The following PRDM5 variants were observed in gnomAD, a reference collection of about 807,000 sequenced individuals.
PRDM5 encodes PR/SET domain 5.
Under a neutral mutation model 81.2 loss-of-function variants are expected in PRDM5, and 56 were observed. The ratio of observed to expected loss-of-function variants is 0.69; its 90% CI spans 0.56 to 0.86. The LOEUF (loss-of-function observed/expected upper bound fraction) is 0.86, where lower values mean the gene tolerates loss of function less well. PRDM5 is among the 40% of genes least tolerant of loss of function. The probability of loss-of-function intolerance (pLI) is 0.00; values close to 1 mark genes in which losing one functional copy is unlikely to be tolerated. For synonymous variants in PRDM5, 267 were observed against 256.4 expected, an observed-to-expected ratio of 1.04 and a Z score of -0.39; for missense variants, 697 against 770.1, an observed-to-expected ratio of 0.91 and a Z score of 1.12.
At chr4:120,884,892 G>T (rs1226621433) in intron 2 of PRDM5, among the ~76,000 whole-genome samples, 1 of 151,834 alleles carries the variant, frequency 6.6e-6, no homozygotes, top group African/African-American at 2.4e-5. Context: ...GGCCGGGCGC[G>T]GTGGCTCATG....
chr4:120,820,017 T>G (rs1325127298), intron 4 of PRDM5, among the ~76,000 whole-genome samples: 1 of 152,210 alleles, frequency 6.6e-6, no homozygotes, highest in Non-Finnish European at 1.5e-5. Flanking sequence ...ACTTCTGAAG[T>G]GGCTTTGCTA....
chr4:120,889,936 A>G (rs535076965), intron 2 of PRDM5, among the ~76,000 whole-genome samples: 3 of 152,246 alleles, frequency 2.0e-5, no homozygotes, highest in African/African-American at 7.2e-5. Flanking sequence ...TTCTTTATCT[A>G]GTCTACCATT....
At chr4:120,867,295 G>GAT (rs1761291662) in intron 2 of PRDM5, among the ~76,000 whole-genome samples, 1 of 152,100 alleles carries the variant, frequency 6.6e-6, no homozygotes, top group African/African-American at 2.4e-5. Flanking sequence ...AATATTAAAT[G>GAT]ATCTTCATAA....
At chr4:120,699,817 A>G (rs1276879964) in intron 15 of PRDM5, among the ~76,000 whole-genome samples, 4 of 152,162 alleles carry the variant, frequency 2.6e-5, no homozygotes, top group South Asian at 2.1e-4. Context: ...GGAAGAATCA[A>G]TATCATTAAA....
At chr4:120,795,100 G>C (rs1751163905) in intron 10 of PRDM5, among the ~76,000 whole-genome samples, 1 of 152,150 alleles carries the variant, frequency 6.6e-6, no homozygotes, top group East Asian at 1.9e-4. Flanking sequence ...TTCATCCCTG[G>C]AAGGCTAAGT....
intron 14 of PRDM5, among the ~76,000 whole-genome samples, chr4:120,720,486 C>T (rs1327206185): frequency 6.6e-6 from 1 of 152,188 alleles, no homozygotes; most frequent in African/African-American, 2.4e-5. Context: ...GCAAGTGTGG[C>T]CCCATGGGTT....
chr4:120,747,401 A>T (rs1037126085), intron 14 of PRDM5, among the ~76,000 whole-genome samples: 1 of 151,892 alleles, frequency 6.6e-6, no homozygotes. Context: ...AACTTGCACA[A>T]TGTGCACATG....
chr4:120,719,846 T>C (rs945546187), intron 14 of PRDM5, among the ~76,000 whole-genome samples: 2 of 152,214 alleles, frequency 1.3e-5, no homozygotes, highest in Non-Finnish European at 2.9e-5. Context: ...TTCATGCTAT[T>C]CTAAAACTTA....
At chr4:120,834,448 G>C (rs570639493) in intron 3 of PRDM5, among the ~76,000 whole-genome samples, 3 of 152,036 alleles carry the variant, frequency 2.0e-5, no homozygotes, top group Admixed American at 6.6e-5. Flanking sequence ...GCAGGCCCTC[G>C]TCAGACAACT....
chr4:120,715,876 G>C (rs965128446), intron 14 of PRDM5, among the ~76,000 whole-genome samples: 1 of 152,062 alleles, frequency 6.6e-6, no homozygotes, highest in Non-Finnish European at 1.5e-5. Context: ...GGAAGAAAAG[G>C]CAATGAAAAT....
rs371508518 is a variant in PRDM5 at position 120,707,456 on chromosome 4, GA to G, written c.1728+2852del. 2.9e-3 allele frequency among the ~76,000 whole-genome samples: 438 copies of G among 151,686 alleles called. 3 individuals carry two copies. Among genetic ancestry groups the G allele is most frequent in the African/African-American group, 0.01 (419 of 41,426 alleles). ...TCTCAACAAAATAAAGGGCATTTAT[GA>G]AAAACCCACTATATTCAATAGTGAA... On this transcript the variant is annotated intron_variant, in intron 15 of 15. Coordinates refer to ENST00000264808, the MANE Select transcript of PRDM5 (RefSeq NM_018699.4).
chr4:120,686,139 C>A (rs1578547959), intron 1 of PRDM5, among the ~76,000 whole-genome samples: 2 of 151,976 alleles, frequency 1.3e-5, no homozygotes, highest in Non-Finnish European at 2.9e-5. Flanking sequence ...TGAGGCCTCC[C>A]CAGAAGCCTG....
At chr4:120,822,736 T>G (rs1755448153) in intron 3 of PRDM5, among the ~76,000 whole-genome samples, 1 of 151,992 alleles carries the variant, frequency 6.6e-6, no homozygotes, top group Non-Finnish European at 1.5e-5. Context: ...TATTAGAAAA[T>G]TTCATGGAAG....
chr4:120,691,649 T>C (rs1734058555), downstream of PRDM5, among the ~76,000 whole-genome samples: 1 of 152,138 alleles, frequency 6.6e-6, no homozygotes, highest in Admixed American at 6.6e-5. Context: ...GATGATCCTT[T>C]TCACATTGTT....
chr4:120,813,871 C>T (rs548545271), intron 7 of PRDM5, among the ~76,000 whole-genome samples: 7 of 152,166 alleles, frequency 4.6e-5, no homozygotes, highest in African/African-American at 1.4e-4. Flanking sequence ...TGGATGGGTC[C>T]GAGGAGGAGA....
chr4:120,861,926 A>T (rs1760652346), intron 2 of PRDM5, among the ~76,000 whole-genome samples: 1 of 152,214 alleles, frequency 6.6e-6, no homozygotes, highest in Non-Finnish European at 1.5e-5. Flanking sequence ...AAATTTTTTT[A>T]ATCTACTTTT....
chr4:120,757,113 A>C (rs1239056808), intron 13 of PRDM5, among the ~76,000 whole-genome samples: 1 of 152,198 alleles, frequency 6.6e-6, no homozygotes, highest in Non-Finnish European at 1.5e-5. Context: ...CCATCAAGCA[A>C]AGAAAGAAAT....
chr4:120,702,099 T>C (rs938897892), intron 15 of PRDM5, among the ~76,000 whole-genome samples: 6 of 152,192 alleles, frequency 3.9e-5, no homozygotes, highest in Non-Finnish European at 8.8e-5. Flanking sequence ...CCTTCTAATG[T>C]GCAGGACACG....
chr4:120,745,545 C>T (rs199866750), intron 14 of PRDM5, among the ~76,000 whole-genome samples: 36,323 of 148,472 alleles, frequency 0.24, 5,486 homozygotes, highest in Middle Eastern at 0.35. Context: ...ATCGTCTCAG[C>T]CCAAAATCTC....
Sources: gnomAD v4.1 joint callset for allele counts (sites outside exome capture counted in the v4.1 genomes callset) on GRCh38, gnomAD v4.1.1 for gene constraint, MANE v1.5 for transcripts, NCBI Gene and HGNC (gene_info 2026-07-23, HGNC 2026-07-21) for gene names.